Variants in NEK10 observed in about 807,000 individuals in gnomAD.
NEK10 encodes serine/threonine-protein kinase Nek10.
In NEK10, 122 loss-of-function variants were observed where a neutral mutation model predicts 159.8. The ratio of observed to expected loss-of-function variants is 0.76; its 90% confidence interval spans 0.66 to 0.89. NEK10 has a LOEUF of 0.89. Ranked by LOEUF, NEK10 falls within the 40% of genes least tolerant of loss-of-function variation. The pLI, the probability that NEK10 is intolerant of heterozygous loss-of-function variation, is 0.00. For synonymous variants in NEK10, 466 were observed against 457.1 expected, an observed-to-expected ratio of 1.02 and a Z score of -0.25; for missense variants, 1,342 against 1,323.1, an observed-to-expected ratio of 1.01 and a Z score of -0.22.
intron 16 of NEK10, among the ~76,000 whole-genome samples, chr3:27,291,924 G>A (rs1392421278): frequency 6.6e-6 from 1 of 152,136 alleles, no homozygotes; most frequent in Non-Finnish European, 1.5e-5. Context: ...TTACAGGTGT[G>A]AGCCACCGCA....
intron 5 of NEK10, among the ~76,000 whole-genome samples, chr3:27,335,215 C>T (rs1212247635): frequency 6.6e-6 from 1 of 151,856 alleles, no homozygotes; most frequent in Non-Finnish European, 1.5e-5. Context: ...TGGCAGGCAC[C>T]TGTAATCCCA....
At chr3:27,251,971 C>G (rs1391397485) in intron 23 of NEK10, among the ~76,000 whole-genome samples, 2 of 152,042 alleles carry the variant, frequency 1.3e-5, no homozygotes, top group Non-Finnish European at 2.9e-5. Flanking sequence ...GGGTAAAAAT[C>G]AGAAAAGTTC....
intron 23 of NEK10, among the ~76,000 whole-genome samples, chr3:27,211,853 T>C (rs1036587564): frequency 7.9e-5 from 12 of 152,238 alleles, no homozygotes; most frequent in African/African-American, 2.9e-4. Context: ...TTAGATGCCA[T>C]GAAGAAAACA....
Position 27,174,843 on chromosome 3 carries a change from G to A in NEK10, c.2506-10C>T, listed in dbSNP as rs765833647. ...CCTTCTCAAAGGTCTCCTGGAAAGA[G>A]AAATTCAGTTTTTCATAGCCTCTTT... is the stretch of plus-strand genomic sequence containing the variant. On this transcript the variant is annotated splice_polypyrimidine_tract_variant and intron_variant, in intron 26 of 35. Coordinates refer to ENST00000691995, the MANE Select transcript of NEK10 (RefSeq NM_001394966.1). The A allele has an allele frequency of 9.0e-6, 14 of 1,559,140 alleles. No homozygotes were observed. The African/African-American group carries it at 1.9e-4, about 22-fold the overall frequency.
intron 1 of NEK10, 71 bp from the exon 2 acceptor site, chr3:27,352,990 C>CA (rs2048079675): frequency 1.5e-6 from 1 of 679,284 alleles, no homozygotes; most frequent in Non-Finnish European, 2.6e-6. Context: ...TTAATACAGA[C>CA]AAAACCCACT....
At chr3:27,365,607 TG>T (rs150095139) in intron 1 of NEK10, among the ~76,000 whole-genome samples, 6,252 of 74,468 alleles carry the variant, frequency 0.084, 328 homozygotes, top group African/African-American at 0.18. Context: ...GTTTTTTTTT[TG>T]TGTTTTTTTT....
At chr3:27,242,738 G>A (rs551809108) in intron 23 of NEK10, among the ~76,000 whole-genome samples, 12 of 152,286 alleles carry the variant, frequency 7.9e-5, no homozygotes, top group African/African-American at 2.9e-4. Context: ...AAGAATTAAG[G>A]TGAGGAGGAG....
rs188492453 is a variant in NEK10 at position 27,112,401 on chromosome 3, C to T, written c.3300-1081G>A. Among the ~76,000 whole-genome samples the T allele has an allele frequency of 1.3e-3, 196 of 152,304 alleles. 1 individual carries two copies. The highest frequency in any genetic ancestry group is 2.0e-3 in the Non-Finnish European group (137 of 68,032). ...CAAACTGATAGTCTTAAATTGTAAA[C>T]TTGAATAACACCGAAATTATATATG... On this transcript the variant is annotated intron_variant, in intron 35 of 35. Coordinates refer to ENST00000691995, the MANE Select transcript of NEK10 (RefSeq NM_001394966.1).
At chr3:27,258,750 G>T (rs1415818684) in intron 22 of NEK10, among the ~76,000 whole-genome samples, 1 of 152,104 alleles carries the variant, frequency 6.6e-6, no homozygotes, top group Non-Finnish European at 1.5e-5. Context: ...GGGATGGCTG[G>T]GTCAAATGCT....
At position 27,344,503 on chromosome 3, in the gene NEK10, G is replaced by T. The variant is rs2047415976; in HGVS notation, c.264-133C>A. On this transcript the variant is annotated intron_variant, in intron 4 of 35. Transcript: ENST00000691995. ...TAACCACTATACTAATGAGGATTCA[G>T]GCAAATATTGAAGGAGCCTTGCGTT... The T allele has an allele frequency of 1.3e-5, 6 of 464,288 alleles. No homozygotes were observed. The East Asian group carries it at 2.0e-4, about 16-fold the overall frequency. 28.8% of individuals were successfully genotyped at this position (464,288 alleles called of 1,614,324 possible).
At chr3:27,357,480 C>T (rs1287370986) in intron 1 of NEK10, among the ~76,000 whole-genome samples, 4 of 152,108 alleles carry the variant, frequency 2.6e-5, no homozygotes, top group African/African-American at 9.7e-5. Context: ...TAAGAAAATA[C>T]TCATCGCTGT....
intron 22 of NEK10, among the ~76,000 whole-genome samples, chr3:27,273,505 T>G (rs1340963651): frequency 6.6e-6 from 1 of 152,190 alleles, no homozygotes; most frequent in African/African-American, 2.4e-5. Flanking sequence ...GAGTATTGAA[T>G]GAGAAAATGC....
intron 23 of NEK10, among the ~76,000 whole-genome samples, chr3:27,239,208 A>T (rs1441562750): frequency 1.3e-5 from 2 of 152,194 alleles, no homozygotes; most frequent in Non-Finnish European, 2.9e-5. Flanking sequence ...AAAAAAAATT[A>T]AAATAACTAA....
At chr3:27,212,828 G>T (rs1321435694) in intron 23 of NEK10, among the ~76,000 whole-genome samples, 4 of 152,186 alleles carry the variant, frequency 2.6e-5, no homozygotes, top group Non-Finnish European at 4.4e-5. Context: ...GCCACACAGG[G>T]AGTAACTTTA....
chr3:27,127,207 G>T (rs1467456095), intron 32 of NEK10, among the ~76,000 whole-genome samples: 1 of 152,014 alleles, frequency 6.6e-6, no homozygotes, highest in East Asian at 1.9e-4. Flanking sequence ...AGCAAATCCT[G>T]TACAACATAT....
chr3:27,235,838 C>T (rs920093112), intron 23 of NEK10, among the ~76,000 whole-genome samples: 2 of 151,912 alleles, frequency 1.3e-5, no homozygotes, highest in Non-Finnish European at 2.9e-5. Context: ...TGCACATGTT[C>T]ATTGCTGCAC....
intron 23 of NEK10, among the ~76,000 whole-genome samples, chr3:27,251,759 T>C (rs1391985929): frequency 3.3e-5 from 5 of 152,256 alleles, no homozygotes; most frequent in Non-Finnish European, 7.3e-5. Context: ...CACTGAAGAA[T>C]ACATATTTCT....
chr3:27,314,482 C>G (rs745408830), intron 6 of NEK10, 144 bp from the exon 7 acceptor site: 21 of 631,484 alleles, frequency 3.3e-5, no homozygotes, highest in Non-Finnish European at 6.0e-5. Context: ...GGAAAACTTA[C>G]AGTATGTCAT....
rs764275142 is a variant in NEK10 at position 27,202,540 on chromosome 3, C to A, written c.2108G>T (p.Ser703Ile). The A allele has an allele frequency of 1.9e-6, 3 of 1,609,394 alleles. No individual in the cohort carries two copies. The highest frequency in any genetic ancestry group is 1.3e-5 in the African/African-American group (1 of 74,822). Residue 703 changes from serine (S) to isoleucine (I), a missense_variant, in exon 24 of 36, where the codon AGT (serine) becomes ATT (isoleucine). Transcript: ENST00000691995. ...ILYSCPEVLKSEPYGEKADVW... is the reference protein window; with the variant it reads ...ILYSCPEVLKIEPYGEKADVW... ...ATCAGCCTTCTCCCCATACGGCTCA[C>A]TCTTCAGTACCTCGGGGCTGAAGTA...
Sources: gnomAD v4.1 joint callset for allele counts (sites outside exome capture counted in the v4.1 genomes callset) on GRCh38, gnomAD v4.1.1 for gene constraint, MANE v1.5 for transcripts, NCBI Gene and HGNC (gene_info 2026-07-23, HGNC 2026-07-21) for gene names.